The following AFG1L variants were observed in gnomAD, a reference collection of about 807,000 sequenced individuals.
AFG1L encodes AFG1 like ATPase, also known as AFG1-like ATPase.
AFG1L carries 53 observed loss-of-function variants against 62.2 expected under a neutral mutation model. The ratio of observed to expected loss-of-function variants is 0.85; its 90% CI spans 0.68 to 1.07. AFG1L has a LOEUF of 1.07. Ranked by LOEUF, AFG1L falls within the 50% of genes least tolerant of loss-of-function variation. The pLI, the probability that AFG1L is intolerant of heterozygous loss-of-function variation, is 0.00. For missense variants in AFG1L, 555 were observed against 590.5 expected (o/e 0.94, Z 0.62); for synonymous variants, 228 against 210.3 (o/e 1.08, Z -0.73).
chr6:108,509,371 C>T (rs1286549083), intron 10 of AFG1L, among the ~76,000 whole-genome samples: 1 of 152,142 alleles, frequency 6.6e-6, no homozygotes, highest in Non-Finnish European at 1.5e-5. Flanking sequence ...CAGAGGTTAG[C>T]AGTGTTGGAC....
intron 6 of AFG1L, among the ~76,000 whole-genome samples, chr6:108,382,103 C>T (rs778331337): frequency 9.4e-5 from 14 of 148,472 alleles, no homozygotes; most frequent in East Asian, 4.0e-4. Flanking sequence ...CAGGTTTAAG[C>T]GATTTTCCTG....
chr6:108,446,108 A>G (rs1582599813), intron 7 of AFG1L, among the ~76,000 whole-genome samples: 2 of 144,748 alleles, frequency 1.4e-5, no homozygotes, highest in East Asian at 4.0e-4. Context: ...ACACACCCCT[A>G]CATATATTCC....
intron 1 of AFG1L, 59 bp downstream of exon 1, chr6:108,295,277 G>T: frequency 1.3e-6 from 2 of 1,532,572 alleles, no homozygotes; most frequent in Admixed American, 4.0e-5. Context: ...GAAGCCTCTG[G>T]GATTACCCTC....
intron 10 of AFG1L, among the ~76,000 whole-genome samples, chr6:108,482,604 G>A (rs911181670): frequency 6.6e-6 from 1 of 151,970 alleles, no homozygotes; most frequent in African/African-American, 2.4e-5. Flanking sequence ...CATTACCTTA[G>A]CTATGTCTCC....
chr6:108,429,525 A>G (rs1463392203), intron 7 of AFG1L, among the ~76,000 whole-genome samples: 3 of 152,118 alleles, frequency 2.0e-5, no homozygotes, highest in African/African-American at 7.2e-5. Context: ...TCAAGATGAG[A>G]TTTGGGTGGG....
At chr6:108,408,815 C>A (rs1366918114) in intron 7 of AFG1L, among the ~76,000 whole-genome samples, 1 of 152,018 alleles carries the variant, frequency 6.6e-6, no homozygotes, top group Non-Finnish European at 1.5e-5. Flanking sequence ...AAAAGAAGAT[C>A]AGGTTTTTTT....
At chr6:108,388,090 A>G (rs1780854393) in intron 6 of AFG1L, 1 of 152,294 alleles carries the variant, frequency 6.6e-6, no homozygotes, top group South Asian at 2.1e-4. Context: ...GCTGAGCCTC[A>G]GTCACTCATA....
chr6:108,446,262 T>G (rs1195079047), intron 7 of AFG1L, among the ~76,000 whole-genome samples: 1 of 151,988 alleles, frequency 6.6e-6, no homozygotes, highest in African/African-American at 2.4e-5. Flanking sequence ...AAAGGAGCAC[T>G]TGGGAGAAGA....
intron 10 of AFG1L, among the ~76,000 whole-genome samples, chr6:108,499,163 C>T (rs1322323292): frequency 6.6e-6 from 1 of 150,516 alleles, no homozygotes; most frequent in African/African-American, 2.4e-5. Flanking sequence ...CTGCCTCCTG[C>T]GTTCAAGCCA....
intron 1 of AFG1L, among the ~76,000 whole-genome samples, chr6:108,311,846 T>C (rs745578313): frequency 9.9e-5 from 15 of 152,110 alleles, no homozygotes; most frequent in Non-Finnish European, 2.1e-4. Flanking sequence ...TTAAGTTATT[T>C]ATTTATTTAT....
intron 7 of AFG1L, among the ~76,000 whole-genome samples, chr6:108,411,402 C>T (rs1349737371): frequency 6.6e-6 from 1 of 152,128 alleles, no homozygotes; most frequent in African/African-American, 2.4e-5. Flanking sequence ...TGACAGCTTT[C>T]AAGAGAGTAG....
intron 6 of AFG1L, among the ~76,000 whole-genome samples, chr6:108,375,503 G>T (rs1241442059): frequency 6.6e-6 from 1 of 151,958 alleles, no homozygotes; most frequent in East Asian, 1.9e-4. Context: ...TGTTCCTGCG[G>T]TGTCTAGTTT....
At chr6:108,319,101 T>C (rs1777715311) in intron 1 of AFG1L, among the ~76,000 whole-genome samples, 1 of 152,162 alleles carries the variant, frequency 6.6e-6, no homozygotes, top group Non-Finnish European at 1.5e-5. Flanking sequence ...GTCTACACTA[T>C]TAAATCAAGA....
chr6:108,373,972 C>T (rs1780131397), intron 6 of AFG1L, among the ~76,000 whole-genome samples: 2 of 152,190 alleles, frequency 1.3e-5, no homozygotes, highest in African/African-American at 2.4e-5. Context: ...ATAAGCATTC[C>T]CTTTTCTCCA....
intron 7 of AFG1L, among the ~76,000 whole-genome samples, chr6:108,426,334 G>A (rs1318715952): frequency 6.6e-6 from 1 of 152,132 alleles, no homozygotes; most frequent in Non-Finnish European, 1.5e-5. Flanking sequence ...AAAGCTGCAT[G>A]TATAGTGGGA....
intron 6 of AFG1L, among the ~76,000 whole-genome samples, chr6:108,394,871 TG>T (rs1471465600): frequency 6.6e-6 from 1 of 152,240 alleles, no homozygotes. Flanking sequence ...CCCACAATCA[TG>T]GCTATCAACT....
intron 8 of AFG1L, among the ~76,000 whole-genome samples, chr6:108,469,184 T>G (rs2114796514): frequency 6.6e-6 from 1 of 152,144 alleles, no homozygotes; most frequent in East Asian, 1.9e-4. Context: ...TGTTTTTCAC[T>G]GGAGATCTCC....
chr6:108,520,907 G>A (rs1775100885), intron 12 of AFG1L: 1 of 152,208 alleles, frequency 6.6e-6, no homozygotes, highest in Admixed American at 6.6e-5. Context: ...GAAGGGGTGA[G>A]GGATCTCTCT....
chr6:108,358,853 G>T (rs1349987366), intron 5 of AFG1L, among the ~76,000 whole-genome samples: 1 of 152,126 alleles, frequency 6.6e-6, no homozygotes, highest in Non-Finnish European at 1.5e-5. Flanking sequence ...TGTTTTTATG[G>T]CATAAGCGTA....
Sources: allele counts gnomAD v4.1 joint callset (sites outside exome capture counted in the v4.1 genomes callset), GRCh38; gene constraint gnomAD v4.1.1; transcripts MANE v1.5; gene names NCBI Gene and HGNC (gene_info 2026-07-23, HGNC 2026-07-21).